The following ANO10 variants were observed in gnomAD, a reference collection of about 807,000 sequenced individuals.
ANO10 encodes the protein anoctamin 10.
ANO10 carries 77 observed loss-of-function variants against 74.7 expected under a neutral mutation model. The observed-to-expected ratio is 1.03, with a 90% confidence interval of 0.86 to 1.25. ANO10 has a LOEUF of 1.25. Ranked by LOEUF, ANO10 falls within the 50% of genes most tolerant of loss-of-function variation. ANO10 has a pLI of 0.00. For synonymous variants in ANO10, 279 were observed against 284.9 expected (o/e 0.98, Z 0.21); for missense variants, 721 against 778.1 (o/e 0.93, Z 0.87).
chr3:43,594,903 A>G (rs2081998963), intron 4 of ANO10, among the ~76,000 whole-genome samples: 1 of 152,200 alleles, frequency 6.6e-6, no homozygotes, highest in South Asian at 2.1e-4. Flanking sequence ...AGAATCAAAT[A>G]GACACAATAA....
chr3:43,624,298 G>T (rs2083473588), upstream of ANO10, among the ~76,000 whole-genome samples: 1 of 152,162 alleles, frequency 6.6e-6, no homozygotes, highest in Non-Finnish European at 1.5e-5. Flanking sequence ...TGACCAAAAG[G>T]TATGTAGCAT....
intron 12 of ANO10, among the ~76,000 whole-genome samples, chr3:43,423,142 C>T (rs963138416): frequency 1.3e-5 from 2 of 151,176 alleles, no homozygotes. Context: ...AGGATTTGAG[C>T]TTTATCAAGG....
At chr3:43,664,042 T>A (rs755095957) in intron 1 of ANO10, among the ~76,000 whole-genome samples, 6 of 152,140 alleles carry the variant, frequency 3.9e-5, no homozygotes, top group Non-Finnish European at 5.9e-5. Flanking sequence ...TTAAATTTCA[T>A]ATGGAACCAA....
chr3:43,372,902 G>T, intron 12 of ANO10: 1 of 1,507,704 alleles, frequency 6.6e-7, no homozygotes. Flanking sequence ...GTGTAATTCC[G>T]ATGAACTTGT....
At chr3:43,593,861 G>A (rs1017167907) in intron 4 of ANO10, among the ~76,000 whole-genome samples, 7 of 152,140 alleles carry the variant, frequency 4.6e-5, no homozygotes, top group Admixed American at 2.0e-4. Flanking sequence ...GTATTCAGGA[G>A]ACCCATCTCA....
intron 1 of ANO10, among the ~76,000 whole-genome samples, chr3:43,643,520 G>GT (rs2083692906): frequency 6.6e-6 from 1 of 151,716 alleles, no homozygotes; most frequent in Non-Finnish European, 1.5e-5. Context: ...TTCTCTTATT[G>GT]TAAGGGAAAT....
Position 43,666,313 on chromosome 3 carries a change from C to T in ANO10, c.-12+25204G>A, listed in dbSNP as rs986200413. ...CTGGAAAAGAAGAGATTAAGAATTA[C>T]AGTTACATGGAGTATGAATTATCTC... On this transcript the variant is annotated intron_variant, in intron 1 of 3. Transcript: ENST00000413397. Among the ~76,000 whole-genome samples the T allele has an allele frequency of 2.0e-5, 3 of 152,102 alleles. 1 individual carries two copies. The highest frequency in any genetic ancestry group is 4.4e-5 in the Non-Finnish European group (3 of 68,018).
intron 6 of ANO10, among the ~76,000 whole-genome samples, chr3:43,576,373 C>T (rs995986640): frequency 6.6e-6 from 1 of 152,212 alleles, no homozygotes; most frequent in South Asian, 2.1e-4. Context: ...CATTAAGCAT[C>T]AGTTATCTTT....
At chr3:43,510,770 A>G (rs1456132854) in intron 11 of ANO10, among the ~76,000 whole-genome samples, 2 of 152,186 alleles carry the variant, frequency 1.3e-5, no homozygotes, top group African/African-American at 4.8e-5. Flanking sequence ...TGGCAGCCAA[A>G]AAATGCATTT....
chr3:43,442,097 G>A (rs895765742), intron 11 of ANO10, among the ~76,000 whole-genome samples: 13 of 152,056 alleles, frequency 8.5e-5, no homozygotes, highest in African/African-American at 2.7e-4. Flanking sequence ...GGAACATGGC[G>A]AGGAATGCTT....
intron 11 of ANO10, among the ~76,000 whole-genome samples, chr3:43,499,421 T>C (rs1413427170): frequency 1.3e-5 from 2 of 152,264 alleles, no homozygotes; most frequent in East Asian, 3.9e-4. Context: ...AGGAAGTCTG[T>C]CTTAGATTGA....
chr3:43,417,415 G>T (rs888492469), intron 12 of ANO10, among the ~76,000 whole-genome samples: 1 of 152,094 alleles, frequency 6.6e-6, no homozygotes, highest in Non-Finnish European at 1.5e-5. Context: ...ACCAATCTGT[G>T]AGCCCTACTT....
Position 43,605,793 on chromosome 3 carries a change from G to T in ANO10, c.60C>A (p.Val20=). The change falls in exon 2 of 13, where the codon GTC becomes GTA. Residue 20 remains valine, a synonymous_variant. Transcript: ENST00000292246. ...TSESSFTPLV[V]IELAQDVKEE... ...CTTTGACATCCTGAGCAAGTTCTAT[G>T]ACCACCAAAGGTGTGAAAGAACTCT... 2 of 1,613,524 alleles carry T rather than the reference G, an allele frequency of 1.2e-6. No homozygotes were observed. The highest frequency in any genetic ancestry group is 2.2e-5 in the South Asian group (2 of 91,026).
chr3:43,440,804 C>T (rs199990574), intron 11 of ANO10, among the ~76,000 whole-genome samples: 1 of 151,742 alleles, frequency 6.6e-6, no homozygotes, highest in Non-Finnish European at 1.5e-5. Flanking sequence ...CCTAAGGCCA[C>T]AAAACAAGCC....
intron 12 of ANO10, among the ~76,000 whole-genome samples, chr3:43,394,230 G>C (rs1003147401): frequency 7.2e-5 from 11 of 152,056 alleles, no homozygotes; most frequent in African/African-American, 2.7e-4. Flanking sequence ...CTACCCCCAG[G>C]CATCACCACC....
At chr3:43,444,262 T>C (rs967012120) in intron 11 of ANO10, among the ~76,000 whole-genome samples, 3 of 152,196 alleles carry the variant, frequency 2.0e-5, no homozygotes, top group East Asian at 3.8e-4. Context: ...ACACATCTTA[T>C]ACAGCTTAAA....
rs1254505862 is a variant in ANO10, at chr3:43,577,181, T to C, written c.673A>G (p.Met225Val). 1.9e-6 allele frequency: 3 copies of C among 1,614,148 alleles called. No individual in the cohort carries two copies. The highest frequency in any genetic ancestry group is 1.3e-5 in the African/African-American group (1 of 75,042). ...LEYFTFALIP[M>V]AVIGLPYYLF... ...TAGTAAGGTAACCCAATGACAGCCATGGGGATTAATGCAAAAGTGAAATAC... is the reference window on the plus strand; with the variant it reads ...TAGTAAGGTAACCCAATGACAGCCACGGGGATTAATGCAAAAGTGAAATAC... Residue 225 changes from methionine to valine, a missense_variant, in exon 6 of 13, where the codon ATG (methionine) becomes GTG (valine). Coordinates refer to ENST00000292246, the MANE Select transcript of ANO10 (RefSeq NM_018075.5).
chr3:43,661,924 C>T (rs1287389908), intron 1 of ANO10, among the ~76,000 whole-genome samples: 5 of 152,182 alleles, frequency 3.3e-5, no homozygotes, highest in Non-Finnish European at 7.3e-5. Flanking sequence ...TAGAGACCTA[C>T]AAAGAGACTT....
In ANO10 at chr3:43,574,850, C is replaced by G. The variant is rs530618296; in HGVS notation, c.1177G>C (p.Glu393Gln). The G allele has an allele frequency of 1.9e-6, 3 of 1,613,912 alleles. No homozygotes were observed. The highest frequency in any genetic ancestry group is 1.7e-5 in the Admixed American group (1 of 60,010). Reference protein sequence around the residue: ...FLTSWENHRLESAYQNHLILK... With the variant: ...FLTSWENHRLQSAYQNHLILK... ...ATTAGATGGTTCTGATAGGCAGATT[C>G]CAATCTGTGATTCTCTAAAACATTA... The change falls in exon 7 of 13, where the codon GAA becomes CAA. Residue 393 changes from glutamate (E) to glutamine (Q), a missense_variant. Transcript: ENST00000292246.
Sources: allele counts gnomAD v4.1 joint callset (sites outside exome capture counted in the v4.1 genomes callset), GRCh38; gene constraint gnomAD v4.1.1; transcripts MANE v1.5; gene names NCBI Gene and HGNC (gene_info 2026-07-23, HGNC 2026-07-21).